The following METTL25 variants were observed in gnomAD, a reference collection of about 807,000 sequenced individuals.
The protein encoded by METTL25 is probable methyltransferase-like protein 25.
METTL25 carries 64 observed loss-of-function variants against 71.6 expected under a neutral mutation model. The ratio of observed to expected loss-of-function variants is 0.89; its 90% CI spans 0.73 to 1.10. METTL25 has a LOEUF of 1.10. Among genes scored for constraint, METTL25 ranks in the 50% least tolerant of loss-of-function variants. The probability of loss-of-function intolerance (pLI) is 0.00; values close to 1 mark genes in which losing one functional copy is unlikely to be tolerated. For synonymous variants in METTL25, 287 were observed against 250.3 expected, an observed-to-expected ratio of 1.15 and a Z score of -1.38; for missense variants, 807 against 707.0, an observed-to-expected ratio of 1.14 and a Z score of -1.60.
intron 4 of METTL25, 86 bp downstream of exon 4, chr12:82,399,480 A>G (rs2137007382): frequency 2.9e-6 from 3 of 1,026,378 alleles, no homozygotes; most frequent in Non-Finnish European, 4.3e-6. Flanking sequence ...TACATATCTT[A>G]CTTGATCACA....
intron 1 of METTL25, among the ~76,000 whole-genome samples, chr12:82,363,631 A>G (rs2136803476): frequency 6.6e-6 from 1 of 152,232 alleles, no homozygotes; most frequent in Non-Finnish European, 1.5e-5. Flanking sequence ...TCCCACTATT[A>G]ATAGAACAAC....
At chr12:82,402,238 T>G (rs895105655) in intron 4 of METTL25, among the ~76,000 whole-genome samples, 2 of 151,964 alleles carry the variant, frequency 1.3e-5, no homozygotes, top group African/African-American at 4.8e-5. Context: ...GTGTATAAAC[T>G]AAGCTTTTTG....
At chr12:82,414,736 A>T (rs1049602865) in intron 5 of METTL25, among the ~76,000 whole-genome samples, 1 of 91,494 alleles carries the variant, frequency 1.1e-5, no homozygotes, top group African/African-American at 3.7e-5. Flanking sequence ...AGGTTTTTAA[A>T]AAACTAGATT....
intron 5 of METTL25, among the ~76,000 whole-genome samples, chr12:82,416,143 A>G (rs1471563149): frequency 6.6e-6 from 1 of 152,140 alleles, no homozygotes; most frequent in African/African-American, 2.4e-5. Context: ...CCATGAACAT[A>G]TAATCATCGT....
intron 3 of METTL25, 111 bp downstream of exon 3, chr12:82,390,033 A>G: frequency 1.5e-6 from 1 of 649,492 alleles, no homozygotes; most frequent in Non-Finnish European, 2.8e-6. Context: ...ATTAAATAAT[A>G]GCATCATTTA....
chr12:82,462,752 G>T (rs1057513818), intron 9 of METTL25, among the ~76,000 whole-genome samples: 1 of 152,038 alleles, frequency 6.6e-6, no homozygotes, highest in African/African-American at 2.4e-5. Flanking sequence ...ATCCTCAGGG[G>T]ATTGGTTCCA....
intron 3 of METTL25, among the ~76,000 whole-genome samples, 173 bp from the exon 4 acceptor site, chr12:82,398,622 C>G (rs1886292589): frequency 1.3e-5 from 2 of 151,734 alleles, no homozygotes; most frequent in South Asian, 4.2e-4. Context: ...TAGCTAGAAC[C>G]TCCAGTAAAA....
At chr12:82,438,938 A>G in intron 8 of METTL25, 147 bp downstream of exon 8, 3 of 531,486 alleles carry the variant, frequency 5.6e-6, no homozygotes, top group Non-Finnish European at 8.7e-6. Context: ...GTACACAACA[A>G]CTGTATCTTA....
chr12:82,478,867 C>A, intron 11 of METTL25, 65 bp from the exon 12 acceptor site: 1 of 1,225,636 alleles, frequency 8.2e-7, no homozygotes, highest in Non-Finnish European at 1.2e-6. Flanking sequence ...ATATATAATC[C>A]AACTCGCGTC....
chr12:82,405,094 A>G (rs189180162), intron 5 of METTL25, among the ~76,000 whole-genome samples: 111 of 152,268 alleles, frequency 7.3e-4, no homozygotes, highest in Non-Finnish European at 1.1e-3. Context: ...CTCTTCACGC[A>G]GTGCTTTCTT....
chr12:82,392,934 G>A (rs946332467), intron 3 of METTL25, among the ~76,000 whole-genome samples: 13 of 151,872 alleles, frequency 8.6e-5, no homozygotes, highest in African/African-American at 3.1e-4. Context: ...AAATGAGTTG[G>A]CTGTAAATGC....
intron 8 of METTL25, among the ~76,000 whole-genome samples, chr12:82,455,880 A>C (rs1258225025): frequency 1.3e-5 from 2 of 151,924 alleles, no homozygotes; most frequent in Non-Finnish European, 2.9e-5. Flanking sequence ...GAAGAGGTGA[A>C]GAAGAGAGAC....
intron 5 of METTL25, among the ~76,000 whole-genome samples, chr12:82,405,895 A>G (rs1393363483): frequency 6.6e-6 from 1 of 152,194 alleles, no homozygotes; most frequent in Non-Finnish European, 1.5e-5. Flanking sequence ...AAAACAAGTA[A>G]CTAGGAATAG....
chr12:82,458,167 A>T (rs980213564), intron 9 of METTL25, among the ~76,000 whole-genome samples: 3 of 152,246 alleles, frequency 2.0e-5, no homozygotes, highest in Middle Eastern at 3.4e-3. Context: ...AACTAATAAG[A>T]TACTAAGAAT....
At chr12:82,460,188 C>G (rs943185025) in intron 9 of METTL25, among the ~76,000 whole-genome samples, 1 of 152,154 alleles carries the variant, frequency 6.6e-6, no homozygotes, top group Non-Finnish European at 1.5e-5. Context: ...CTAAAAGTTA[C>G]AGTATATGGT....
chr12:82,471,530 T>C (rs1892568983), intron 9 of METTL25, among the ~76,000 whole-genome samples: 1 of 152,212 alleles, frequency 6.6e-6, no homozygotes, highest in Non-Finnish European at 1.5e-5. Context: ...ATATAGAGAC[T>C]TAGGGTACTA....
chr12:82,405,422 CT>C (rs1489068378), intron 5 of METTL25, among the ~76,000 whole-genome samples: 3 of 151,924 alleles, frequency 2.0e-5, no homozygotes, highest in Admixed American at 6.6e-5. Context: ...ATTTAGGTGA[CT>C]ATCATTATTT....
At chr12:82,407,217 A>G (rs1336001523) in intron 5 of METTL25, among the ~76,000 whole-genome samples, 1 of 152,150 alleles carries the variant, frequency 6.6e-6, no homozygotes, top group Non-Finnish European at 1.5e-5. Context: ...GTTGAAGAGA[A>G]TAGCTCCAAA....
At chr12:82,449,180 C>T (rs886844303) in intron 8 of METTL25, among the ~76,000 whole-genome samples, 2 of 152,146 alleles carry the variant, frequency 1.3e-5, no homozygotes, top group African/African-American at 4.8e-5. Context: ...GCTGACCATG[C>T]TTTATTCTGA....
Sources: allele counts gnomAD v4.1 joint callset (sites outside exome capture counted in the v4.1 genomes callset), GRCh38; gene constraint gnomAD v4.1.1; transcripts MANE v1.5; gene names NCBI Gene and HGNC (gene_info 2026-07-23, HGNC 2026-07-21).